Variants in NFIA observed in about 807,000 individuals in gnomAD.
NFIA encodes the protein nuclear factor 1 A-type.
NFIA carries 8 observed loss-of-function variants against 62.8 expected under a neutral mutation model. That is an observed-to-expected ratio of 0.13 (90% CI 0.07 to 0.23). NFIA has a LOEUF of 0.23. Ranked by LOEUF, NFIA falls within the 10% of genes least tolerant of loss-of-function variation. The probability of loss-of-function intolerance (pLI) is 1.00; values close to 1 mark genes in which losing one functional copy is unlikely to be tolerated. For synonymous variants in NFIA, 235 were observed against 238.1 expected (o/e 0.99, Z 0.12); for missense variants, 410 against 642.1 (o/e 0.64, Z 3.91).
intron 2 of NFIA, among the ~76,000 whole-genome samples, chr1:61,114,725 T>G (rs1172281972): frequency 6.6e-6 from 1 of 152,144 alleles, no homozygotes; most frequent in Non-Finnish European, 1.5e-5. Flanking sequence ...ATTGATAAGT[T>G]TGGACATGGT....
intron 2 of NFIA, among the ~76,000 whole-genome samples, chr1:61,139,300 G>T (rs1008001352): frequency 6.6e-6 from 1 of 152,166 alleles, no homozygotes; most frequent in Non-Finnish European, 1.5e-5. Context: ...AGGATAGTCC[G>T]GAACTCCCCA....
chr1:61,349,727 ACTACACCTAG>A (rs1305600432), intron 4 of NFIA, among the ~76,000 whole-genome samples: 4 of 152,080 alleles, frequency 2.6e-5, no homozygotes, highest in Non-Finnish European at 2.9e-5. Flanking sequence ...GGCACGTGTC[ACTACACCTAG>A]CTAATTTAAT....
chr1:61,272,498 G>GTAA (rs1366897919), intron 2 of NFIA, among the ~76,000 whole-genome samples: 4 of 152,110 alleles, frequency 2.6e-5, no homozygotes, highest in Non-Finnish European at 5.9e-5. Flanking sequence ...TCAAAACAGA[G>GTAA]TAATTTTAAA....
intron 2 of NFIA, among the ~76,000 whole-genome samples, chr1:61,187,766 G>A (rs1332781): frequency 6.6e-6 from 1 of 152,024 alleles, no homozygotes; most frequent in African/African-American, 2.4e-5. Context: ...CTTCAGAACC[G>A]TATAAATGCC....
At chr1:61,337,942 C>T (rs1661700401) in intron 4 of NFIA, among the ~76,000 whole-genome samples, 1 of 152,186 alleles carries the variant, frequency 6.6e-6, no homozygotes, top group Middle Eastern at 3.2e-3. Context: ...AAATTGCTGA[C>T]TCTATTTTAC....
chr1:61,108,808 T>C lies in NFIA; in HGVS notation c.559+20128T>C, dbSNP rs1165100308. On this transcript the variant is annotated intron_variant, in intron 2 of 10. Transcript: ENST00000403491. ...TTTTTAAAAATTTTATGGTTTGGTATATGCTACCATAATTGAAACCTCAGA... is the reference window on the plus strand; with the variant it reads ...TTTTTAAAAATTTTATGGTTTGGTACATGCTACCATAATTGAAACCTCAGA... Among the ~76,000 whole-genome samples, 7 of 151,970 alleles carry C rather than the reference T, an allele frequency of 4.6e-5. 1 individual carries two copies. In the South Asian group the frequency reaches 8.3e-4, roughly 18 times the overall value.
intron 2 of NFIA, among the ~76,000 whole-genome samples, chr1:61,172,165 A>G (rs948332328): frequency 6.6e-6 from 1 of 152,190 alleles, no homozygotes; most frequent in Non-Finnish European, 1.5e-5. Flanking sequence ...GAAGCAGTGT[A>G]TTTGGCAGTG....
At chr1:61,341,190 A>G (rs1024173727) in intron 4 of NFIA, among the ~76,000 whole-genome samples, 8 of 150,252 alleles carry the variant, frequency 5.3e-5, no homozygotes, top group African/African-American at 2.0e-4. Flanking sequence ...CCGCCTGCCG[A>G]GTAGCCGGGA....
At chr1:61,416,134 A>C (rs953115814) in intron 9 of NFIA, among the ~76,000 whole-genome samples, 4 of 152,184 alleles carry the variant, frequency 2.6e-5, no homozygotes, top group African/African-American at 9.7e-5. Context: ...AGAAACTAAT[A>C]GTGGTTTACT....
At chr1:61,451,390 C>T (rs1668053137) in intron 10 of NFIA, among the ~76,000 whole-genome samples, 1 of 152,224 alleles carries the variant, frequency 6.6e-6, no homozygotes. Context: ...AGAGACGCCA[C>T]ATCTGCAGGC....
chr1:61,181,733 TCAAC>T lies in NFIA; in HGVS notation c.559+93054_559+93057del, dbSNP rs1269163854. 3.9e-5 allele frequency among the ~76,000 whole-genome samples: 6 copies of T among 152,346 alleles called. No individual in the cohort carries two copies. In the East Asian group the frequency reaches 9.6e-4, roughly 24 times the overall value. On this transcript the variant is annotated intron_variant, in intron 2 of 10. Transcript: ENST00000403491. ...ATTAAAAAAACCACCTCATAATATT[TCAAC>T]TCTATTCCCTACTGATACATAAAGA...
intron 2 of NFIA, among the ~76,000 whole-genome samples, chr1:61,134,234 CTG>C (rs200503542): frequency 7.7e-6 from 1 of 129,724 alleles, no homozygotes; most frequent in African/African-American, 2.9e-5. Flanking sequence ...GCTTTACAGA[CTG>C]TGTGTGTGAG....
chr1:61,151,382 C>CTTT (rs60675167), intron 2 of NFIA, among the ~76,000 whole-genome samples: 5 of 141,744 alleles, frequency 3.5e-5, no homozygotes, highest in Admixed American at 1.4e-4. Context: ...GCTAATACAG[C>CTTT]TTTTTTTTTT....
chr1:61,368,032 G>A (rs1663684920), intron 6 of NFIA, among the ~76,000 whole-genome samples: 4 of 152,352 alleles, frequency 2.6e-5, no homozygotes, highest in South Asian at 4.1e-4. Flanking sequence ...ACGAATGAGC[G>A]TTGCTCCGCT....
chr1:61,434,448 G>C (rs956353355), intron 10 of NFIA, among the ~76,000 whole-genome samples: 2 of 152,126 alleles, frequency 1.3e-5, no homozygotes, highest in African/African-American at 4.8e-5. Context: ...CTTGGCGGCT[G>C]ACTCACTGAC....
chr1:61,454,719 A>G (rs1668224866), intron 10 of NFIA, among the ~76,000 whole-genome samples: 1 of 152,218 alleles, frequency 6.6e-6, no homozygotes, highest in Non-Finnish European at 1.5e-5. Context: ...GACTGGGTCC[A>G]GCACTTTTTC....
chr1:61,376,584 T>C (rs553565784), intron 6 of NFIA, among the ~76,000 whole-genome samples: 50 of 152,272 alleles, frequency 3.3e-4, no homozygotes, highest in African/African-American at 1.2e-3. Context: ...ATAAGACAAA[T>C]GATTCCTAGT....
chr1:61,434,611 C>G (rs1667249210), intron 10 of NFIA, among the ~76,000 whole-genome samples: 1 of 152,212 alleles, frequency 6.6e-6, no homozygotes, highest in South Asian at 2.1e-4. Flanking sequence ...GTCACCTTTT[C>G]TCTCAGTTCC....
chr1:61,295,255 C>T (rs1659128388), intron 3 of NFIA, among the ~76,000 whole-genome samples: 1 of 152,150 alleles, frequency 6.6e-6, no homozygotes, highest in East Asian at 1.9e-4. Context: ...CATGGCAAAG[C>T]TGACTGACAT....
Sources: allele counts gnomAD v4.1 joint callset (sites outside exome capture counted in the v4.1 genomes callset), GRCh38; gene constraint gnomAD v4.1.1; transcripts MANE v1.5; gene names NCBI Gene and HGNC (gene_info 2026-07-23, HGNC 2026-07-21).